Variants in NR3C2 observed in about 807,000 individuals in gnomAD.
NR3C2 encodes mineralocorticoid receptor.
NR3C2 carries 15 observed loss-of-function variants against 86.4 expected under a neutral mutation model. That is an observed-to-expected ratio of 0.17 (90% CI 0.12 to 0.27). The LOEUF (loss-of-function observed/expected upper bound fraction) is 0.27, where lower values mean the gene tolerates loss of function less well. Ranked by LOEUF, NR3C2 falls within the 10% of genes least tolerant of loss-of-function variation. NR3C2 has a pLI of 1.00. For missense variants in NR3C2, 960 were observed against 1,195.6 expected (o/e 0.80, Z 2.91); for synonymous variants, 458 against 450.5 (o/e 1.02, Z -0.21).
At chr4:148,299,726 T>C (rs559277283) in intron 2 of NR3C2, among the ~76,000 whole-genome samples, 7 of 152,240 alleles carry the variant, frequency 4.6e-5, no homozygotes, top group Non-Finnish European at 8.8e-5. Context: ...TTCTTCCCCA[T>C]GGCATCTTTC....
At chr4:148,323,010 T>A (rs1743709091) in intron 2 of NR3C2, among the ~76,000 whole-genome samples, 1 of 150,198 alleles carries the variant, frequency 6.7e-6, no homozygotes, top group African/African-American at 2.5e-5. Context: ...CTTTGTGGTT[T>A]TATCTACTTT....
At chr4:148,296,044 CAAAAAAAAAAA>C (rs529710200) in intron 2 of NR3C2, among the ~76,000 whole-genome samples, 2 of 73,962 alleles carry the variant, frequency 2.7e-5, no homozygotes, top group African/African-American at 5.4e-5. Context: ...GAGCTGAGGC[CAAAAAAAAAAA>C]AAAAAAAAAA....
chr4:148,207,233 G>A (rs1737050778), intron 3 of NR3C2, among the ~76,000 whole-genome samples: 1 of 152,114 alleles, frequency 6.6e-6, no homozygotes, highest in South Asian at 2.1e-4. Flanking sequence ...TTAAATAGGT[G>A]ATACTATCCT....
intron 3 of NR3C2, among the ~76,000 whole-genome samples, chr4:148,218,268 C>T (rs1364346287): frequency 6.6e-6 from 1 of 152,126 alleles, no homozygotes; most frequent in Non-Finnish European, 1.5e-5. Flanking sequence ...ACACCTTTGG[C>T]AATATCAGGA....
intron 6 of NR3C2, among the ~76,000 whole-genome samples, chr4:148,124,828 C>G (rs539436018): frequency 1.3e-5 from 2 of 152,236 alleles, no homozygotes; most frequent in Non-Finnish European, 2.9e-5. Flanking sequence ...GATCTCTTTT[C>G]CATATAATCT....
At chr4:148,084,303 C>T (rs770294427) in intron 8 of NR3C2, among the ~76,000 whole-genome samples, 2 of 152,224 alleles carry the variant, frequency 1.3e-5, no homozygotes, top group Non-Finnish European at 2.9e-5. Context: ...GGAAGCCCAT[C>T]AGAATAACAG....
At chr4:148,384,847 G>A (rs1747182922) in intron 2 of NR3C2, among the ~76,000 whole-genome samples, 1 of 152,062 alleles carries the variant, frequency 6.6e-6, no homozygotes, top group Non-Finnish European at 1.5e-5. Context: ...GCAATTCCAG[G>A]TCCTGTAGTA....
chr4:148,091,633 CT>C (rs1202485710), intron 8 of NR3C2, among the ~76,000 whole-genome samples: 2 of 152,324 alleles, frequency 1.3e-5, no homozygotes, highest in Admixed American at 1.3e-4. Context: ...ACCAGTCACC[CT>C]GTACATTCAT....
At position 148,205,930 on chromosome 4, in the gene NR3C2, T is replaced by C. The variant is rs1261695090; in HGVS notation, c.1898-11068A>G. Among the ~76,000 whole-genome samples the C allele has an allele frequency of 2.0e-5, 3 of 152,112 alleles. No homozygotes were observed. The East Asian group carries it at 5.8e-4, about 29-fold the overall frequency. The stretch of plus-strand genomic sequence containing the variant: ...TATATTTTGGGATGGGTGAGTTTTG[T>C]GGCTGGTGCACAGTGGGGTGTATGT... On this transcript the variant is annotated intron_variant, in intron 3 of 8. Coordinates refer to ENST00000358102, the MANE Select transcript of NR3C2 (RefSeq NM_000901.5).
intron 8 of NR3C2, among the ~76,000 whole-genome samples, chr4:148,092,976 G>A (rs762915368): frequency 3.1e-4 from 47 of 152,208 alleles, no homozygotes; most frequent in Admixed American, 3.9e-4. Flanking sequence ...GTAGATCCCA[G>A]GCTAGATGGA....
At chr4:148,088,987 A>C (rs1730942696) in intron 8 of NR3C2, among the ~76,000 whole-genome samples, 1 of 152,188 alleles carries the variant, frequency 6.6e-6, no homozygotes, top group African/African-American at 2.4e-5. Flanking sequence ...TTCCAAGTGT[A>C]TTACAGCTGG....
chr4:148,301,016 C>G (rs1280880294), intron 2 of NR3C2, among the ~76,000 whole-genome samples: 1 of 152,186 alleles, frequency 6.6e-6, no homozygotes, highest in African/African-American at 2.4e-5. Flanking sequence ...AAATTACAGG[C>G]AGATGGATCC....
At chr4:148,442,040 GCACCATA>G (rs1750368633) in intron 1 of NR3C2, 113 bp downstream of exon 1, 1 of 152,430 alleles carries the variant, frequency 6.6e-6, no homozygotes, top group African/African-American at 2.4e-5. Flanking sequence ...CAAGCACACA[GCACCATA>G]CTGACTGTGC....
rs184514849 is a variant in NR3C2, at chr4:148,231,634, T to C, written c.1897+28344A>G. Among the ~76,000 whole-genome samples the C allele has an allele frequency of 2.5e-3, 378 of 152,326 alleles. 1 individual carries two copies. Among genetic ancestry groups the C allele is most frequent in the East Asian group, 1.2e-3 (6 of 5,186 alleles). ...GGCTGCTGACTGATCAGAGTGGTGG[T>C]TGCTGAAGGCTTGGGGCAACTGTGG... On this transcript the variant is annotated intron_variant, in intron 3 of 8. Coordinates refer to ENST00000358102, the MANE Select transcript of NR3C2 (RefSeq NM_000901.5).
chr4:148,372,830 A>G (rs1158252654), intron 2 of NR3C2, among the ~76,000 whole-genome samples: 1 of 152,228 alleles, frequency 6.6e-6, no homozygotes, highest in Admixed American at 6.5e-5. Flanking sequence ...TATGCTTCAG[A>G]TAGTTTAACC....
intron 2 of NR3C2, among the ~76,000 whole-genome samples, chr4:148,302,834 G>A (rs368653000): frequency 2.5e-4 from 28 of 112,606 alleles, no homozygotes; most frequent in African/African-American, 8.5e-4. Flanking sequence ...CTACAAGAGC[G>A]AAACTCCGTC....
chr4:148,355,912 T>C (rs1323012816), intron 2 of NR3C2, among the ~76,000 whole-genome samples: 1 of 152,200 alleles, frequency 6.6e-6, no homozygotes, highest in African/African-American at 2.4e-5. Flanking sequence ...TTTCTGGGCC[T>C]GTCATTTCCT....
chr4:148,215,025 C>T (rs1398971436), intron 3 of NR3C2, among the ~76,000 whole-genome samples: 1 of 152,206 alleles, frequency 6.6e-6, no homozygotes, highest in Non-Finnish European at 1.5e-5. Context: ...GGAGTACATT[C>T]TCCACCGAAG....
At chr4:148,278,255 A>G (rs1403665228) in intron 2 of NR3C2, among the ~76,000 whole-genome samples, 1 of 152,012 alleles carries the variant, frequency 6.6e-6, no homozygotes, top group Non-Finnish European at 1.5e-5. Flanking sequence ...CCACAGGTGC[A>G]TGCCTGGCTA....
Sources: gnomAD v4.1 joint callset for allele counts (sites outside exome capture counted in the v4.1 genomes callset) on GRCh38, gnomAD v4.1.1 for gene constraint, MANE v1.5 for transcripts, NCBI Gene and HGNC (gene_info 2026-07-23, HGNC 2026-07-21) for gene names.